SCN3A: variants seen among roughly 807,000 people sequenced by gnomAD.
SCN3A encodes the protein sodium channel protein type 3 subunit alpha.
SCN3A carries 60 observed loss-of-function variants against 187.6 expected under a neutral mutation model. The observed-to-expected ratio is 0.32, with a 90% CI of 0.26 to 0.40. The LOEUF is 0.40. Ranked by LOEUF, SCN3A falls within the 10% of genes least tolerant of loss-of-function variation. SCN3A has a pLI of 1.00. For synonymous variants in SCN3A, 788 were observed against 829.2 expected (o/e 0.95, Z 0.85); for missense variants, 1,601 against 2,428.2 (o/e 0.66, Z 7.16).
intron 3 of SCN3A, among the ~76,000 whole-genome samples, chr2:165,170,997 T>C (rs16822787): frequency 0.22 from 34,099 of 151,788 alleles, 5,028 homozygotes; most frequent in East Asian, 0.52. Context: ...AGATTTAAAA[T>C]GTTCAAACAG....
At chr2:165,107,691 G>C (rs1685928711) in intron 21 of SCN3A, among the ~76,000 whole-genome samples, 1 of 152,142 alleles carries the variant, frequency 6.6e-6, no homozygotes, top group South Asian at 2.1e-4. Context: ...ATAGATCTGT[G>C]CCCTATTGTA....
intron 15 of SCN3A, among the ~76,000 whole-genome samples, chr2:165,133,095 C>A (rs1687447351): frequency 6.6e-6 from 1 of 152,152 alleles, no homozygotes; most frequent in Non-Finnish European, 1.5e-5. Flanking sequence ...CCATCTCACA[C>A]CAGTTAGAAT....
At chr2:165,120,580 G>C (rs1053021018) in intron 18 of SCN3A, among the ~76,000 whole-genome samples, 1 of 151,850 alleles carries the variant, frequency 6.6e-6, no homozygotes, top group Non-Finnish European at 1.5e-5. Flanking sequence ...ATTACAGATT[G>C]CCTTTAAAAT....
rs775875793 is a variant in SCN3A, at chr2:165,090,234, T to C, written c.5919A>G (p.Val1973=). Residue 1973 remains valine (V), a synonymous_variant, in exon 28 of 28, where the codon GTA becomes GTG. Coordinates refer to ENST00000283254, the MANE Select transcript of SCN3A (RefSeq NM_006922.4). The surrounding 1 kb of genome is among the most constrained non-coding windows in gnomAD (Gnocchi z 4.0). ...STTSPPSYDS[V]TKPDKEKFEK... is the part of the protein sequence containing the mutation. ...CAAACTTTTCCTTGTCTGGTTTTGT[T>C]ACACTATCATAGGAAGGAGGAGAGG... is the stretch of plus-strand genomic sequence containing the variant. 6.2e-7 allele frequency: 1 copy of C among 1,610,260 alleles called. No homozygotes were observed. Among genetic ancestry groups the C allele is most frequent in the Middle Eastern group, 1.7e-4 (1 of 6,058 alleles).
chr2:165,188,898 G>T (rs568736366), intron 1 of SCN3A, among the ~76,000 whole-genome samples: 3 of 151,900 alleles, frequency 2.0e-5, no homozygotes, highest in Non-Finnish European at 4.4e-5. Context: ...CAAAAAGTAG[G>T]TCTGAGGTAG....
intron 15 of SCN3A, among the ~76,000 whole-genome samples, chr2:165,134,747 T>C (rs899384855): frequency 9.9e-5 from 15 of 152,066 alleles, no homozygotes; most frequent in African/African-American, 1.9e-4. Flanking sequence ...TTTTATTTCA[T>C]GTATAAAACT....
intron 15 of SCN3A, 29 bp downstream of exon 15, chr2:165,137,850 G>T: frequency 6.5e-7 from 1 of 1,534,530 alleles, no homozygotes; most frequent in Non-Finnish European, 9.0e-7. Flanking sequence ...ATCTACCAAA[G>T]TAAATAAGTA....
intron 9 of SCN3A, among the ~76,000 whole-genome samples, chr2:165,157,516 T>C (rs752942083): frequency 1.1e-4 from 16 of 152,184 alleles, no homozygotes; most frequent in Non-Finnish European, 1.0e-4. Flanking sequence ...TACTTATCAC[T>C]CACTATGACT....
chr2:165,101,497 G>A (rs1019474608), intron 21 of SCN3A, among the ~76,000 whole-genome samples: 26 of 151,980 alleles, frequency 1.7e-4, no homozygotes, highest in Admixed American at 1.3e-4. Context: ...TTGGCGATTT[G>A]AACCCAAATA....
At chr2:165,183,749 G>A (rs1691039949) in intron 2 of SCN3A, among the ~76,000 whole-genome samples, 1 of 152,088 alleles carries the variant, frequency 6.6e-6, no homozygotes, top group East Asian at 1.9e-4. Flanking sequence ...TTATGATTGT[G>A]TTGCAGTCAA....
intron 21 of SCN3A, among the ~76,000 whole-genome samples, chr2:165,108,555 T>C (rs1288835198): frequency 6.6e-6 from 1 of 152,180 alleles, no homozygotes; most frequent in Admixed American, 6.5e-5. Flanking sequence ...TTTCACACAT[T>C]AGCATGTTAG....
chr2:165,115,315 C>T (rs1686312391), intron 19 of SCN3A, 140 bp downstream of exon 19: 1 of 938,482 alleles, frequency 1.1e-6, no homozygotes, highest in South Asian at 1.4e-5. Flanking sequence ...AATCCTCCTA[C>T]CGTAGCCTCC....
In SCN3A at chr2:165,140,956, T is replaced by C. The variant is rs1687977345; in HGVS notation, c.1714A>G (p.Asn572Asp). Residue 572 changes from asparagine to aspartate, a missense_variant, in exon 13 of 28, where the codon AAT becomes GAT. Asn to Asp is a conservative substitution (Grantham distance 23). Transcript: ENST00000283254. The surrounding 1 kb of genome is among the most constrained non-coding windows in gnomAD (Gnocchi z 4.2). ...IRGSLFSPRRNSKTSIFSFRG... is the reference protein window; with the variant it reads ...IRGSLFSPRRDSKTSIFSFRG... ...AAACTGAAAATGCTTGTTTTGCTAT[T>C]GCGTCTTGGGGAAAACAGGGAGCCA... The C allele has an allele frequency of 6.8e-6, 11 of 1,614,060 alleles. No homozygotes were observed. Among genetic ancestry groups the C allele is most frequent in the Non-Finnish European group, 8.5e-6 (10 of 1,179,978 alleles).
At chr2:165,103,447 C>G (rs1685701366) in intron 21 of SCN3A, among the ~76,000 whole-genome samples, 2 of 152,142 alleles carry the variant, frequency 1.3e-5, no homozygotes, top group Admixed American at 6.6e-5. Flanking sequence ...CTCTTTTGTG[C>G]TAAACACAAA....
intron 1 of SCN3A, among the ~76,000 whole-genome samples, chr2:165,201,970 G>A (rs1692351523): frequency 6.6e-6 from 1 of 151,964 alleles, no homozygotes; most frequent in Non-Finnish European, 1.5e-5. Flanking sequence ...GATACTTGGG[G>A]TCTTTTCTGA....
intron 3 of SCN3A, among the ~76,000 whole-genome samples, chr2:165,173,485 G>A (rs1690250932): frequency 6.6e-6 from 1 of 152,098 alleles, no homozygotes; most frequent in Non-Finnish European, 1.5e-5. Flanking sequence ...AGCAGTGCTT[G>A]ACACAGTATG....
chr2:165,115,152 A>C (rs963449243), intron 19 of SCN3A, among the ~76,000 whole-genome samples: 4 of 152,072 alleles, frequency 2.6e-5, no homozygotes, highest in African/African-American at 9.7e-5. Flanking sequence ...TCCCTGCAAA[A>C]GCTCTAAGAT....
chr2:165,108,776 A>G (rs1450318384), intron 21 of SCN3A, among the ~76,000 whole-genome samples: 1 of 152,116 alleles, frequency 6.6e-6, no homozygotes, highest in Non-Finnish European at 1.5e-5. Flanking sequence ...ATAGTAAGGT[A>G]TATTTTGTTT....
At chr2:165,188,273 G>A (rs1691363879) in intron 1 of SCN3A, among the ~76,000 whole-genome samples, 1 of 152,138 alleles carries the variant, frequency 6.6e-6, no homozygotes, top group Non-Finnish European at 1.5e-5. Context: ...TGGCTTCAAA[G>A]AGGAGAGAGT....
Sources: gnomAD v4.1 joint callset for allele counts (sites outside exome capture counted in the v4.1 genomes callset) on GRCh38, gnomAD v4.1.1 for gene constraint, Gnocchi (gnomAD v3.1) non-coding constraint, MANE v1.5 for transcripts, NCBI Gene and HGNC (gene_info 2026-07-23, HGNC 2026-07-21) for gene names.